The following ALOX5 variants were observed in gnomAD, a reference collection of about 807,000 sequenced individuals.
The protein encoded by ALOX5 is polyunsaturated fatty acid 5-lipoxygenase.
ALOX5 carries 64 observed loss-of-function variants against 87.9 expected under a neutral mutation model. The ratio of observed to expected loss-of-function variants is 0.73; its 90% CI spans 0.60 to 0.90. The LOEUF is 0.90. Among genes scored for constraint, ALOX5 ranks in the 40% least tolerant of loss-of-function variants. The pLI is 0.00. For synonymous variants in ALOX5, 388 were observed against 355.1 expected (o/e 1.09, Z -1.04); for missense variants, 822 against 907.5 (o/e 0.91, Z 1.21).
At chr10:45,383,148 C>T (rs966473338) in intron 2 of ALOX5, among the ~76,000 whole-genome samples, 18 of 152,250 alleles carry the variant, frequency 1.2e-4, no homozygotes, top group Non-Finnish European at 2.4e-4. Context: ...ACAAGGAGCA[C>T]CCCAAGTGCC....
chr10:45,391,075 C>T (rs1208082613), intron 2 of ALOX5, among the ~76,000 whole-genome samples: 4 of 42,128 alleles, frequency 9.5e-5, no homozygotes, highest in East Asian at 1.8e-3. Flanking sequence ...CCTCTCCCCA[C>T]GGTCTCCCTC....
Position 45,395,847 on chromosome 10 carries a change from C to T in ALOX5, c.350-8C>T. The T allele has an allele frequency of 6.2e-7, 1 of 1,614,050 alleles. No homozygotes were observed. On this transcript the variant is annotated splice_polypyrimidine_tract_variant and splice_region_variant and intron_variant, in intron 2 of 13. Transcript: ENST00000374391. ...TCAGGCTCCTCTCATGTTGTTCTTTCTTTACAGCAAAGTTGGCCCGAGATG... is the reference window on the plus strand; with the variant it reads ...TCAGGCTCCTCTCATGTTGTTCTTTTTTTACAGCAAAGTTGGCCCGAGATG...
At chr10:45,441,592 G>A in intron 9 of ALOX5, 162 bp downstream of exon 9, 1 of 643,520 alleles carries the variant, frequency 1.6e-6, no homozygotes, top group South Asian at 2.2e-5. Context: ...TCCAGCCCGT[G>A]CCATTCAGCC....
rs149959620 is a variant in ALOX5, at chr10:45,412,088, A to G, written c.432-103A>G. 1,961 of 1,515,242 alleles carry G rather than the reference A, an allele frequency of 1.3e-3. 19 individuals carry two copies. The African/African-American group carries it at 0.024, about 18-fold the overall frequency. The allele number at this position is 1,515,242 out of a possible 1,614,324, so 93.9% of individuals were successfully genotyped here. ...TGTTGACTTTATTTTGAGTACATCA[A>G]TCTCCCTGTGTAACATCGTCTGACA... is the stretch of plus-strand genomic sequence containing the variant. On this transcript the variant is annotated intron_variant, in intron 3 of 13. Transcript: ENST00000374391.
At chr10:45,444,421 C>A in intron 13 of ALOX5, 135 bp downstream of exon 13, 1 of 1,241,852 alleles carries the variant, frequency 8.1e-7, no homozygotes, top group Non-Finnish European at 1.1e-6. Flanking sequence ...TGGAAGGGCC[C>A]AGAAGGCTGC....
At chr10:45,442,020 A>T (rs1397858888) in intron 9 of ALOX5, among the ~76,000 whole-genome samples, 1 of 152,130 alleles carries the variant, frequency 6.6e-6, no homozygotes. Context: ...AGGCCAGATG[A>T]CCACTGAAGT....
At chr10:45,391,164 T>C (rs1177686705) in intron 2 of ALOX5, among the ~76,000 whole-genome samples, 2 of 149,266 alleles carry the variant, frequency 1.3e-5, no homozygotes, top group South Asian at 2.1e-4. Flanking sequence ...ACTGTACTGC[T>C]GCCATCTCGG....
At chr10:45,439,178 A>C (rs758808690) in intron 7 of ALOX5, among the ~76,000 whole-genome samples, 15 of 152,164 alleles carry the variant, frequency 9.9e-5, no homozygotes, top group Non-Finnish European at 2.1e-4. Context: ...GTTTCCTTTT[A>C]TTTTTATTAA....
chr10:45,421,801 C>T (rs1486471632), intron 4 of ALOX5, among the ~76,000 whole-genome samples: 3 of 152,246 alleles, frequency 2.0e-5, no homozygotes, highest in Admixed American at 6.5e-5. Flanking sequence ...TCGACAGCTC[C>T]AGGGTGCTGT....
chr10:45,429,189 C>T (rs979199074), intron 7 of ALOX5, among the ~76,000 whole-genome samples: 2 of 152,104 alleles, frequency 1.3e-5, no homozygotes, highest in Admixed American at 6.5e-5. Context: ...TTATGTCCAC[C>T]GGAGATGAGG....
intron 1 of ALOX5, 52 bp from the exon 2 acceptor site, chr10:45,382,431 A>G: frequency 6.2e-7 from 1 of 1,604,752 alleles, no homozygotes; most frequent in East Asian, 2.2e-5. Flanking sequence ...ACACCTCCAG[A>G]ACAAAGGCTC....
In ALOX5 at chr10:45,392,578, C is replaced by T. The variant is rs200242774; in HGVS notation, c.350-3277C>T. Among the ~76,000 whole-genome samples the T allele has an allele frequency of 3.9e-3, 586 of 151,990 alleles. 5 individuals are homozygous for T. Among genetic ancestry groups the T allele is most frequent in the South Asian group, 0.013 (64 of 4,812 alleles). On this transcript the variant is annotated intron_variant, in intron 2 of 13. Transcript: ENST00000374391. The stretch of plus-strand genomic sequence containing the variant: ...CAGGGACACAAACACTGCGGATGGC[C>T]GCAGGGTCCTCTGCCTAGGAAAACC...
intron 6 of ALOX5, among the ~76,000 whole-genome samples, chr10:45,426,777 T>C (rs1841720109): frequency 6.6e-6 from 1 of 152,228 alleles, no homozygotes. Context: ...TCTCTCTCGC[T>C]CCATGTCTCA....
intron 4 of ALOX5, among the ~76,000 whole-genome samples, chr10:45,422,577 A>G (rs1841540194): frequency 6.6e-6 from 1 of 152,222 alleles, no homozygotes; most frequent in African/African-American, 2.4e-5. Flanking sequence ...CCTGGGCTCA[A>G]TGCTGAGTAA....
chr10:45,400,278 C>T (rs888962270), intron 3 of ALOX5, among the ~76,000 whole-genome samples: 1 of 152,144 alleles, frequency 6.6e-6, no homozygotes, highest in Non-Finnish European at 1.5e-5. Flanking sequence ...TATAGTTTAT[C>T]CATACAATGG....
intron 3 of ALOX5, among the ~76,000 whole-genome samples, chr10:45,402,967 T>C (rs1335245608): frequency 1.3e-5 from 2 of 152,154 alleles, no homozygotes; most frequent in African/African-American, 4.8e-5. Context: ...TGCCCCCAGA[T>C]GGGCAACACT....
intron 3 of ALOX5, among the ~76,000 whole-genome samples, chr10:45,404,672 C>G (rs907741710): frequency 5.9e-5 from 9 of 152,260 alleles, no homozygotes; most frequent in African/African-American, 2.2e-4. Context: ...CTCGTCCGCT[C>G]TCCTGCTGAT....
Position 45,376,795 on chromosome 10 carries a change from G to C in ALOX5, c.150+2366G>C, listed in dbSNP as rs182342688. On this transcript the variant is annotated intron_variant, in intron 1 of 13. Coordinates refer to ENST00000374391, the MANE Select transcript of ALOX5 (RefSeq NM_000698.5). The stretch of plus-strand genomic sequence containing the variant: ...CCCTTGTTATTCTCATCAGAGTTCC[G>C]CATAGTGATTCAGTCAGGACTGGGA... Among the ~76,000 whole-genome samples the C allele has an allele frequency of 2.7e-3, 410 of 152,112 alleles. 3 individuals are homozygous for C. Among genetic ancestry groups the C allele is most frequent in the Non-Finnish European group, 5.0e-3 (341 of 67,998 alleles).
At chr10:45,442,390 C>T (rs566518562) in intron 9 of ALOX5, among the ~76,000 whole-genome samples, 3 of 152,344 alleles carry the variant, frequency 2.0e-5, no homozygotes, top group East Asian at 1.9e-4. Context: ...GAATGCCCAC[C>T]GTGGACCAAT....
Sources: gnomAD v4.1 joint callset for allele counts (sites outside exome capture counted in the v4.1 genomes callset) on GRCh38, gnomAD v4.1.1 for gene constraint, MANE v1.5 for transcripts, NCBI Gene and HGNC (gene_info 2026-07-23, HGNC 2026-07-21) for gene names.